The following CSMD1 variants were observed in gnomAD, a reference collection of about 807,000 sequenced individuals.
CSMD1 encodes the protein CUB and sushi domain-containing protein 1.
Under a neutral mutation model 417.5 loss-of-function variants are expected in CSMD1, and 213 were observed. The observed-to-expected ratio is 0.51, with a 90% CI of 0.46 to 0.57. The LOEUF (loss-of-function observed/expected upper bound fraction) is 0.57, where lower values mean the gene tolerates loss of function less well. Ranked by LOEUF, CSMD1 falls within the 20% of genes least tolerant of loss-of-function variation. The pLI is 0.00. For synonymous variants in CSMD1, 2,862 were observed against 1,736.8 expected, an observed-to-expected ratio of 1.65 and a Z score of -16.11; for missense variants, 6,923 against 4,529.7, an observed-to-expected ratio of 1.53 and a Z score of -15.17.
At chr8:3,317,924 C>T (rs1254336243) in intron 23 of CSMD1, among the ~76,000 whole-genome samples, 1 of 152,188 alleles carries the variant, frequency 6.6e-6, no homozygotes, top group Non-Finnish European at 1.5e-5. Flanking sequence ...GATCCTCCCA[C>T]CTTAGCCTAT....
chr8:4,228,704 G>C (rs1801517243), intron 3 of CSMD1, among the ~76,000 whole-genome samples: 1 of 150,184 alleles, frequency 6.7e-6, no homozygotes, highest in Admixed American at 6.7e-5. Flanking sequence ...TTTTTCTTGA[G>C]ATGGAGTCTA....
At chr8:3,514,988 C>A (rs7832765) in intron 10 of CSMD1, among the ~76,000 whole-genome samples, 43,255 of 152,062 alleles carry the variant, frequency 0.28, 8,763 homozygotes, top group African/African-American at 0.58. Context: ...TTAAAAACAA[C>A]ATTTTATACT....
intron 5 of CSMD1, among the ~76,000 whole-genome samples, chr8:3,932,949 G>A (rs1242403089): frequency 4.0e-5 from 6 of 149,176 alleles, no homozygotes; most frequent in African/African-American, 1.2e-4. Context: ...AAAAGTGTAT[G>A]TGAATTTTTA....
At chr8:4,264,340 A>G (rs779104) in intron 3 of CSMD1, among the ~76,000 whole-genome samples, 146,855 of 152,286 alleles carry the variant, frequency 0.96, 71,052 homozygotes, top group East Asian at 1. Context: ...AAAAATACTC[A>G]TTCAGAATAA....
chr8:3,821,486 T>C (rs1288921714), intron 5 of CSMD1, among the ~76,000 whole-genome samples: 1 of 147,184 alleles, frequency 6.8e-6, no homozygotes, highest in African/African-American at 2.5e-5. Context: ...TTTGGCTCCA[T>C]TAAAGTCTAC....
At chr8:4,912,224 C>G (rs1225529683) in intron 1 of CSMD1, among the ~76,000 whole-genome samples, 1 of 151,820 alleles carries the variant, frequency 6.6e-6, no homozygotes, top group Admixed American at 6.6e-5. Context: ...AGGTGGAGAC[C>G]TGCTTCCAGA....
chr8:4,299,782 C>G (rs148221160), intron 3 of CSMD1, among the ~76,000 whole-genome samples: 1 of 151,988 alleles, frequency 6.6e-6, no homozygotes, highest in Non-Finnish European at 1.5e-5. Context: ...AGGTACGTGC[C>G]ACCACGCCCG....
chr8:4,962,785 A>G (rs1378987575), intron 1 of CSMD1, among the ~76,000 whole-genome samples: 1 of 152,184 alleles, frequency 6.6e-6, no homozygotes, highest in Non-Finnish European at 1.5e-5. Flanking sequence ...GAGGGGACAA[A>G]AAATTACACT....
At chr8:4,813,046 C>A (rs1166904484) in intron 1 of CSMD1, among the ~76,000 whole-genome samples, 3 of 152,260 alleles carry the variant, frequency 2.0e-5, no homozygotes, top group Non-Finnish European at 4.4e-5. Flanking sequence ...AACACAAACC[C>A]ATTTTTAAGA....
chr8:4,591,324 T>C (rs1201470051), intron 2 of CSMD1, among the ~76,000 whole-genome samples: 1 of 152,216 alleles, frequency 6.6e-6, no homozygotes, highest in East Asian at 1.9e-4. Context: ...TAATTCTTTC[T>C]GGTCTAGGTC....
chr8:3,564,074 T>A, intron 10 of CSMD1, among the ~76,000 whole-genome samples: 1 of 152,182 alleles, frequency 6.6e-6, no homozygotes, highest in Middle Eastern at 3.2e-3. Context: ...GGTACATGTA[T>A]ATGATGCATA....
intron 1 of CSMD1, among the ~76,000 whole-genome samples, chr8:4,664,124 C>T (rs931519231): frequency 1.4e-4 from 21 of 152,196 alleles, no homozygotes; most frequent in African/African-American, 3.9e-4. Flanking sequence ...ATTTCTCACA[C>T]CTGGACAGGT....
At chr8:3,079,011 A>T (rs1813894598) in intron 49 of CSMD1, among the ~76,000 whole-genome samples, 1 of 152,188 alleles carries the variant, frequency 6.6e-6, no homozygotes, top group Non-Finnish European at 1.5e-5. Context: ...AAAGAACTTC[A>T]GTGAAGTCAC....
intron 1 of CSMD1, among the ~76,000 whole-genome samples, chr8:4,724,564 T>C (rs1327101763): frequency 7.1e-6 from 1 of 141,216 alleles, no homozygotes; most frequent in East Asian, 2.0e-4. Flanking sequence ...GTGTGTGTGT[T>C]TATACTCCCA....
At chr8:3,286,251 A>C (rs182353719) in intron 25 of CSMD1, among the ~76,000 whole-genome samples, 4 of 152,166 alleles carry the variant, frequency 2.6e-5, no homozygotes, top group Admixed American at 6.5e-5. Context: ...GTTGGTTCCA[A>C]GTCTTTGCTA....
intron 8 of CSMD1, among the ~76,000 whole-genome samples, chr8:3,591,676 G>C (rs12541850): frequency 6.6e-6 from 1 of 151,954 alleles, no homozygotes. Context: ...GCAACCAATA[G>C]ATAGATGAGA....
chr8:4,739,164 T>G (rs547412059), intron 1 of CSMD1, among the ~76,000 whole-genome samples: 9 of 152,316 alleles, frequency 5.9e-5, no homozygotes, highest in African/African-American at 1.7e-4. Context: ...TACTTCCTAA[T>G]AGCTCATTTT....
chr8:3,941,908 A>G (rs888325527), intron 5 of CSMD1, among the ~76,000 whole-genome samples: 3 of 152,116 alleles, frequency 2.0e-5, no homozygotes, highest in Non-Finnish European at 4.4e-5. Flanking sequence ...ATTGGGCCAT[A>G]CAGCAGGAGG....
chr8:4,473,964 T>C (rs924721883), intron 2 of CSMD1, among the ~76,000 whole-genome samples: 7 of 152,238 alleles, frequency 4.6e-5, no homozygotes, highest in Admixed American at 1.3e-4. Flanking sequence ...GGGGAGGATT[T>C]AGGTACCTGT....
Sources: allele counts gnomAD v4.1 joint callset (sites outside exome capture counted in the v4.1 genomes callset), GRCh38; gene constraint gnomAD v4.1.1; transcripts MANE v1.5; gene names NCBI Gene and HGNC (gene_info 2026-07-23, HGNC 2026-07-21).